Variants in DACH1 observed in about 807,000 individuals in gnomAD.
DACH1 encodes dachshund family transcription factor 1, also known as dachshund homolog 1.
A neutral mutation model predicts 54.2 loss-of-function variants in DACH1; 12 were observed. The observed-to-expected ratio is 0.22, with a 90% confidence interval of 0.14 to 0.36. The LOEUF (loss-of-function observed/expected upper bound fraction) is 0.36. Ranked by LOEUF, DACH1 falls within the 10% of genes least tolerant of loss-of-function variation. The probability of loss-of-function intolerance (pLI) is 1.00; values close to 1 mark genes in which losing one functional copy is unlikely to be tolerated. For synonymous variants in DACH1, 386 were observed against 366.2 expected (o/e 1.05, Z -0.62); for missense variants, 805 against 929.8 (o/e 0.87, Z 1.75).
intron 1 of DACH1, among the ~76,000 whole-genome samples, chr13:71,782,078 A>G (rs1031768302): frequency 6.6e-6 from 1 of 152,162 alleles, no homozygotes; most frequent in Admixed American, 6.6e-5. Flanking sequence ...TTCAGGCAAA[A>G]TGGACACATT....
chr13:71,675,035 A>AG (rs1415907982), intron 2 of DACH1: 3 of 827,288 alleles, frequency 3.6e-6, no homozygotes, highest in Non-Finnish European at 6.2e-6. Flanking sequence ...GCCGAAGAGA[A>AG]GGGGGGTAAG....
At chr13:71,551,372 T>C (rs1034774261) in intron 6 of DACH1, among the ~76,000 whole-genome samples, 3 of 152,150 alleles carry the variant, frequency 2.0e-5, no homozygotes, top group African/African-American at 7.2e-5. Context: ...CTGTAAACTA[T>C]AGTCACCCTA....
intron 1 of DACH1, among the ~76,000 whole-genome samples, chr13:71,780,946 C>A (rs1886342896): frequency 6.6e-6 from 1 of 152,042 alleles, no homozygotes; most frequent in Non-Finnish European, 1.5e-5. Context: ...CCAGCATGGG[C>A]AACATAGCGA....
chr13:71,700,977 T>C (rs1031458147), intron 1 of DACH1, among the ~76,000 whole-genome samples: 1 of 152,168 alleles, frequency 6.6e-6, no homozygotes, highest in Non-Finnish European at 1.5e-5. Flanking sequence ...TCCCCAATTA[T>C]AGAATAAAAA....
At position 71,865,964 on chromosome 13, in the gene DACH1, C is replaced by T; in HGVS notation, c.806G>A (p.Arg269Lys). The change falls in exon 1 of 11, where the codon AGG becomes AAG. Residue 269 changes from arginine to lysine, a missense_variant. Physicochemically the swap from Arg to Lys is conservative, Grantham distance 26. Transcript: ENST00000613252. Reference protein sequence around the residue: ...PGVNRCKLISRKDFETLYNDC... With the variant: ...PGVNRCKLISKKDFETLYNDC... Reference sequence around the variant, plus strand: ...ATTGTAGAGGGTCTCGAAGTCCTTCCTGGAGATGAGTTTGCAGCGGTTCAC... The same window carrying T: ...ATTGTAGAGGGTCTCGAAGTCCTTCTTGGAGATGAGTTTGCAGCGGTTCAC... The T allele has an allele frequency of 6.2e-7, 1 of 1,613,884 alleles. No individual in the cohort carries two copies. Among genetic ancestry groups the T allele is most frequent in the Non-Finnish European group, 8.5e-7 (1 of 1,179,910 alleles).
At chr13:71,640,004 C>G (rs1877773562) in intron 2 of DACH1, among the ~76,000 whole-genome samples, 1 of 151,938 alleles carries the variant, frequency 6.6e-6, no homozygotes, top group African/African-American at 2.4e-5. Context: ...TAATGTAACC[C>G]TTTTATTTTA....
Position 71,612,294 on chromosome 13 carries a change from T to C in DACH1, c.1126+18262A>G, listed in dbSNP as rs80073740. On this transcript the variant is annotated intron_variant, in intron 3 of 10. Transcript: ENST00000613252. ...TTAAAGATACCAATTCCTTATGTTA[T>C]ATTATATTATACAATAATGTAATTA... Among the ~76,000 whole-genome samples the C allele has an allele frequency of 1.9e-3, 289 of 152,206 alleles. 1 individual carries two copies. Among genetic ancestry groups the C allele is most frequent in the East Asian group, 0.015 (80 of 5,170 alleles).
At chr13:71,624,470 T>G (rs920454262) in intron 3 of DACH1, among the ~76,000 whole-genome samples, 1 of 151,978 alleles carries the variant, frequency 6.6e-6, no homozygotes, top group Non-Finnish European at 1.5e-5. Flanking sequence ...AGAATCTTTC[T>G]GGACTTTTAG....
chr13:71,661,066 A>T (rs1418977718), intron 2 of DACH1, among the ~76,000 whole-genome samples: 2 of 150,408 alleles, frequency 1.3e-5, no homozygotes, highest in African/African-American at 4.9e-5. Flanking sequence ...AAAAGCAAAA[A>T]GAAGTTTTCA....
At chr13:71,827,078 C>T (rs1888410219) in intron 1 of DACH1, among the ~76,000 whole-genome samples, 1 of 151,938 alleles carries the variant, frequency 6.6e-6, no homozygotes, top group African/African-American at 2.4e-5. Flanking sequence ...CTTTGATAAT[C>T]TAAATGTGAA....
chr13:71,439,549 T>C lies in DACH1; in HGVS notation c.*1106A>G, dbSNP rs903949981. 2 of 152,558 alleles carry C rather than the reference T, an allele frequency of 1.3e-5. No individual in the cohort carries two copies. Among genetic ancestry groups the C allele is most frequent in the Non-Finnish European group, 2.9e-5 (2 of 67,906 alleles). 9.5% of individuals were successfully genotyped at this position (152,558 alleles called of 1,614,324 possible). Reference sequence around the variant, plus strand: ...AACATATAAAAATATTTCTGGTGTTTTGATTTGCTGTTCAGCCACAATCCA... The same window carrying C: ...AACATATAAAAATATTTCTGGTGTTCTGATTTGCTGTTCAGCCACAATCCA... On this transcript the variant is annotated 3_prime_UTR_variant, in exon 11 of 11. Coordinates refer to ENST00000613252, the MANE Select transcript of DACH1 (RefSeq NM_080759.6).
chr13:71,672,061 C>T (rs1189931960), intron 2 of DACH1, among the ~76,000 whole-genome samples: 2 of 152,118 alleles, frequency 1.3e-5, no homozygotes, highest in Non-Finnish European at 2.9e-5. Flanking sequence ...CAATGTCTTA[C>T]TAAAAATTGT....
intron 1 of DACH1, among the ~76,000 whole-genome samples, chr13:71,718,646 A>G (rs975808749): frequency 5.9e-5 from 9 of 151,724 alleles, no homozygotes; most frequent in Admixed American, 3.3e-4. Context: ...GTAGAGCTAG[A>G]TAACTTACTC....
intron 1 of DACH1, among the ~76,000 whole-genome samples, chr13:71,854,067 C>CA (rs999034438): frequency 2.0e-5 from 3 of 151,196 alleles, no homozygotes; most frequent in Non-Finnish European, 4.4e-5. Context: ...ACCCACTCTC[C>CA]AAAAAAAAGA....
chr13:71,479,241 T>A lies in DACH1; in HGVS notation c.1798A>T (p.Met600Leu), dbSNP rs969912267. 1.2e-6 allele frequency: 2 copies of A among 1,613,750 alleles called. No homozygotes were observed. The highest frequency in any genetic ancestry group is 2.2e-5 in the South Asian group (2 of 91,076). The change falls in exon 8 of 11, where the codon ATG (methionine) becomes TTG (leucine). Residue 600 changes from methionine to leucine, a missense_variant. Physicochemically the swap from Met to Leu is conservative, Grantham distance 15. Transcript: ENST00000613252. ...QVQLEKTELK[M>L]DFLRERELRE... Reference sequence around the variant, plus strand: ...AGTTCTCTTTCCCTTAAAAAATCCATCTTCAGCTCAGTTTTTTCCAGTTGG... The same window carrying A: ...AGTTCTCTTTCCCTTAAAAAATCCAACTTCAGCTCAGTTTTTTCCAGTTGG...
intron 1 of DACH1, 126 bp from the exon 2 acceptor site, chr13:71,682,036 G>T: frequency 3.5e-6 from 2 of 568,970 alleles, no homozygotes; most frequent in Non-Finnish European, 6.2e-6. Context: ...TTTGCAGTTA[G>T]ATGTAATAGA....
intron 1 of DACH1, among the ~76,000 whole-genome samples, chr13:71,793,568 C>T (rs1304767221): frequency 6.6e-6 from 1 of 152,272 alleles, no homozygotes; most frequent in East Asian, 1.9e-4. Flanking sequence ...CAGGGTTTTG[C>T]TCTGTTGCCC....
rs1056055505 is a variant in DACH1, at chr13:71,475,714, A to T, written c.2006T>A (p.Val669Asp). 2 of 1,609,570 alleles carry T rather than the reference A, an allele frequency of 1.2e-6. No individual in the cohort carries two copies. The highest frequency in any genetic ancestry group is 2.7e-5 in the African/African-American group (2 of 74,660). The change falls in exon 9 of 11, where the codon GTC (valine) becomes GAC (aspartate). Residue 669 changes from valine (V) to aspartate (D), a missense_variant. By Grantham distance (152) the Val-to-Asp change is radical (BLOSUM62 -3). Coordinates refer to ENST00000613252, the MANE Select transcript of DACH1 (RefSeq NM_080759.6). The part of the protein sequence containing the change: ...KQAASTDSLR[V>D]LNDSLTPEIE... ...AATATACACCCTCTTACCATTTAAG[A>T]CCCTGAGACTATCTGTTGAAGCTGC... is the stretch of plus-strand genomic sequence containing the variant.
chr13:71,836,180 G>A (rs542793793), intron 1 of DACH1, among the ~76,000 whole-genome samples: 1 of 151,804 alleles, frequency 6.6e-6, no homozygotes. Context: ...GAGAAAAAAG[G>A]TACCATTATA....
Sources: allele counts gnomAD v4.1 joint callset (sites outside exome capture counted in the v4.1 genomes callset), GRCh38; gene constraint gnomAD v4.1.1; transcripts MANE v1.5; gene names NCBI Gene and HGNC (gene_info 2026-07-23, HGNC 2026-07-21).